NDUFA10: variants seen among roughly 807,000 people sequenced by gnomAD.
NDUFA10 encodes NADH:ubiquinone oxidoreductase subunit A10.
In NDUFA10, 40 loss-of-function variants were observed where a neutral mutation model predicts 47.8. The observed-to-expected ratio is 0.84, with a 90% CI of 0.65 to 1.09. The LOEUF is 1.09. Among genes scored for constraint, NDUFA10 ranks in the 50% least tolerant of loss-of-function variants. The pLI, the probability that NDUFA10 is intolerant of heterozygous loss-of-function variation, is 0.00. For missense variants in NDUFA10, 413 were observed against 451.1 expected (o/e 0.92, Z 0.76); for synonymous variants, 183 against 172.2 (o/e 1.06, Z -0.49).
intron 6 of NDUFA10, among the ~76,000 whole-genome samples, chr2:240,010,202 C>T (rs754634664): frequency 6.6e-6 from 1 of 152,208 alleles, no homozygotes; most frequent in African/African-American, 2.4e-5. Context: ...TCAATCCATA[C>T]GGCTTGAGCT....
chr2:239,893,206 G>A (rs1210459737), intron 5 of NDUFA10, among the ~76,000 whole-genome samples: 3 of 152,206 alleles, frequency 2.0e-5, no homozygotes, highest in East Asian at 1.9e-4. Flanking sequence ...AATCAGGCCA[G>A]CTGCAGCACA....
At chr2:240,017,317 G>A (rs1269153416) in intron 4 of NDUFA10, among the ~76,000 whole-genome samples, 1 of 151,928 alleles carries the variant, frequency 6.6e-6, no homozygotes, top group African/African-American at 2.4e-5. Context: ...CTCACTATAG[G>A]ACACCACCAC....
chr2:239,920,773 T>A (rs1442546585), intron 4 of NDUFA10, among the ~76,000 whole-genome samples: 1 of 152,060 alleles, frequency 6.6e-6, no homozygotes, highest in African/African-American at 2.4e-5. Flanking sequence ...TTCTGCAGAA[T>A]CAGCCCCAGC....
chr2:240,014,760 C>T lies in NDUFA10; in HGVS notation c.648G>A (p.Arg216=). Residue 216 remains arginine (R), a synonymous_variant, in exon 5 of 10, where the codon AGG becomes AGA. Coordinates refer to ENST00000252711, the MANE Select transcript of NDUFA10 (RefSeq NM_004544.4). The part of the protein sequence containing the change: ...YIDVPVPEVQ[R]RIQKKGDPHE... The stretch of plus-strand genomic sequence containing the variant: ...TTACATCTCCTTTCTTCTGAATCCG[C>T]CTCTGGACCTCTGGAACGGGCACAT... 1 of 1,614,236 alleles carries T rather than the reference C, an allele frequency of 6.2e-7. No homozygotes were observed. Among genetic ancestry groups the T allele is most frequent in the Non-Finnish European group, 8.5e-7 (1 of 1,180,044 alleles).
chr2:240,015,859 CT>C (rs1232569494), intron 4 of NDUFA10, among the ~76,000 whole-genome samples: 29 of 152,158 alleles, frequency 1.9e-4, no homozygotes, highest in Non-Finnish European at 3.8e-4. Context: ...AACTATTTTG[CT>C]TTAAAGGAAA....
chr2:239,960,622 T>TAAG lies in NDUFA10; in HGVS notation c.*495_*496insCTT. 9.7e-7 allele frequency: 1 copy of TAAG among 1,030,638 alleles called. No homozygotes were observed. The highest frequency in any genetic ancestry group is 1.2e-6 in the Non-Finnish European group (1 of 855,078). 63.8% of individuals were successfully genotyped at this position (1,030,638 alleles called of 1,614,324 possible). On this transcript the variant is annotated 3_prime_UTR_variant, in exon 10 of 10. Transcript: ENST00000252711. ...ATACAGTAGGCCTTTAGAAAAACTCTTCAGCATAATGTAAGCCTCAATTAA... is the reference window on the plus strand; with the variant it reads ...ATACAGTAGGCCTTTAGAAAAACTCTAAGTCAGCATAATGTAAGCCTCAATTAA...
intron 4 of NDUFA10, among the ~76,000 whole-genome samples, chr2:239,918,824 AG>A (rs1164277247): frequency 6.6e-6 from 1 of 152,166 alleles, no homozygotes; most frequent in Non-Finnish European, 1.5e-5. Context: ...GGGCTTGCCA[AG>A]GACACAGCCA....
At chr2:240,009,254 TGAC>T (rs1461091110) in intron 6 of NDUFA10, among the ~76,000 whole-genome samples, 1 of 152,326 alleles carries the variant, frequency 6.6e-6, no homozygotes, top group African/African-American at 2.4e-5. Context: ...ATCTCAGAGG[TGAC>T]GATTCTTTCT....
intron 4 of NDUFA10, among the ~76,000 whole-genome samples, chr2:239,935,849 TG>T (rs1694257810): frequency 6.6e-6 from 1 of 152,206 alleles, no homozygotes. Context: ...CCCAGCCACA[TG>T]GAACTGTGAG....
At chr2:239,968,453 T>C (rs559218052) in intron 9 of NDUFA10, among the ~76,000 whole-genome samples, 5 of 152,336 alleles carry the variant, frequency 3.3e-5, no homozygotes, top group Non-Finnish European at 5.9e-5. Flanking sequence ...GTTATACTGT[T>C]AGGGCCTAAG....
In NDUFA10 at chr2:239,958,980, G is replaced by A. The variant is rs889422856; in HGVS notation, c.*2138C>T. 20 of 985,438 alleles carry A rather than the reference G, an allele frequency of 2.0e-5. No individual in the cohort carries two copies. The highest frequency in any genetic ancestry group is 2.3e-5 in the Non-Finnish European group (19 of 829,952). The allele number at this position is 985,438 out of a possible 1,614,324, so 61.0% of individuals were successfully genotyped here. The stretch of plus-strand genomic sequence containing the variant: ...TTGTAAGAGCTTTCGTGAGACGAAC[G>A]CATGTACTGCTCTGAAATAAGGAAA... On this transcript the variant is annotated 3_prime_UTR_variant, in exon 10 of 10. Transcript: ENST00000252711.
rs1694099969 is a variant in NDUFA10 at position 239,928,338 on chromosome 2, A to G, written c.295-33024T>C. On this transcript the variant is annotated intron_variant, in intron 4 of 5. Coordinates refer to the NDUFA10 transcript ENST00000419408. This position sits in a 1 kb window ranked among gnomAD's most constrained non-coding sequence, Gnocchi z 4.3. ...CACATGAATTCCATGAATCATGACTAAAGAAAAGAAGGCAAAAGACAAGAT... is the reference window on the plus strand; with the variant it reads ...CACATGAATTCCATGAATCATGACTGAAGAAAAGAAGGCAAAAGACAAGAT... Among the ~76,000 whole-genome samples the G allele has an allele frequency of 1.3e-5, 2 of 152,224 alleles. No individual in the cohort carries two copies. The highest frequency in any genetic ancestry group is 2.1e-4 in the South Asian group (1 of 4,822).
chr2:239,982,257 T>C (rs138628903), intron 9 of NDUFA10: 1 of 1,605,966 alleles, frequency 6.2e-7, no homozygotes, highest in South Asian at 1.1e-5. Context: ...TCACCTCGCC[T>C]CTGACAAAGG....
chr2:239,948,129 G>A (rs1012078073), intron 4 of NDUFA10, among the ~76,000 whole-genome samples: 2 of 152,202 alleles, frequency 1.3e-5, no homozygotes, highest in African/African-American at 2.4e-5. Flanking sequence ...GCAAGGTTCA[G>A]GATTGTGTAC....
At chr2:239,984,503 A>ACC (rs1010166101) in intron 9 of NDUFA10, among the ~76,000 whole-genome samples, 25 of 152,232 alleles carry the variant, frequency 1.6e-4, no homozygotes, top group African/African-American at 6.0e-4. Context: ...TTTAATTCAA[A>ACC]CCACAAGCCC....
Position 239,905,411 on chromosome 2 carries a change from C to G in NDUFA10, c.295-10097G>C, listed in dbSNP as rs577084056. On this transcript the variant is annotated intron_variant, in intron 4 of 5. Coordinates refer to the NDUFA10 transcript ENST00000419408. ...ATGTGCTCCTGGGCTCCTCAGCAGC[C>G]TCGAAGATTTGCACCGGGACTCTCG... Among the ~76,000 whole-genome samples, 93 of 152,336 alleles carry G rather than the reference C, an allele frequency of 6.1e-4. 1 individual carries two copies. The highest frequency in any genetic ancestry group is 2.1e-3 in the African/African-American group (86 of 41,584).
chr2:239,979,678 G>A (rs1312138311), intron 9 of NDUFA10, among the ~76,000 whole-genome samples: 1 of 151,932 alleles, frequency 6.6e-6, no homozygotes, highest in Non-Finnish European at 1.5e-5. Context: ...TGACCGCCTT[G>A]GCCCTCTGCC....
chr2:240,005,285 T>A lies in NDUFA10; in HGVS notation c.815A>T (p.Asp272Val). 6.2e-7 allele frequency: 1 copy of A among 1,613,810 alleles called. No homozygotes were observed. Among genetic ancestry groups the A allele is most frequent in the Non-Finnish European group, 8.5e-7 (1 of 1,179,724 alleles). The change falls in exon 8 of 10, where the codon GAC (aspartate) becomes GTC (valine). Residue 272 changes from aspartate to valine, a missense_variant. Asp to Val is a radical substitution (Grantham distance 152, BLOSUM62 -3). Coordinates refer to ENST00000252711, the MANE Select transcript of NDUFA10 (RefSeq NM_004544.4). ...EAQDSKKVVEDIEYLKFDKGP... is the reference protein window; with the variant it reads ...EAQDSKKVVEVIEYLKFDKGP... ...TTTATCGAACTTCAGGTATTCAATG[T>A]CCTCTACCACCTAAGACAGGAAAAA...
In NDUFA10 at chr2:239,931,731, A is replaced by G. The variant is rs529443462; in HGVS notation, c.295-36417T>C. Among the ~76,000 whole-genome samples, 241 of 152,264 alleles carry G rather than the reference A, an allele frequency of 1.6e-3. 1 individual carries two copies. The highest frequency in any genetic ancestry group is 5.5e-3 in the African/African-American group (229 of 41,560). ...CCCCCAAGCTGTAACGTCCTGTGAG[A>G]AGACAGCTGCCCTGGGGCTCCCCAA... On this transcript the variant is annotated intron_variant, in intron 4 of 5. Coordinates refer to the NDUFA10 transcript ENST00000419408.
Sources: gnomAD v4.1 joint callset for allele counts (sites outside exome capture counted in the v4.1 genomes callset) on GRCh38, gnomAD v4.1.1 for gene constraint, Gnocchi (gnomAD v3.1) non-coding constraint, MANE v1.5 for transcripts, NCBI Gene and HGNC (gene_info 2026-07-23, HGNC 2026-07-21) for gene names.